PLPPR4: variants seen among roughly 807,000 people sequenced by gnomAD.
PLPPR4 encodes phospholipid phosphatase related 4.
In PLPPR4, 24 loss-of-function variants were observed where a neutral mutation model predicts 56.6. The ratio of observed to expected loss-of-function variants is 0.42; its 90% confidence interval spans 0.31 to 0.60. PLPPR4 has a LOEUF of 0.60. Among genes scored for constraint, PLPPR4 ranks in the 20% least tolerant of loss-of-function variants. The pLI is 0.13. For missense variants in PLPPR4, 654 were observed against 885.8 expected (o/e 0.74, Z 3.32); for synonymous variants, 326 against 328.1 (o/e 0.99, Z 0.07).
At chr1:99,265,156 C>A (rs1015454904) in intron 1 of PLPPR4, among the ~76,000 whole-genome samples, 16 of 107,518 alleles carry the variant, frequency 1.5e-4, no homozygotes, top group Non-Finnish European at 2.3e-4. Flanking sequence ...CCCCCCCCCC[C>A]AAATCCTTCT....
intron 1 of PLPPR4, among the ~76,000 whole-genome samples, chr1:99,286,896 G>A (rs1384413300): frequency 6.6e-6 from 1 of 152,148 alleles, no homozygotes; most frequent in Non-Finnish European, 1.5e-5. Context: ...GAAATACTTT[G>A]TTGTTGTTGT....
chr1:99,283,121 C>T (rs558390326), intron 1 of PLPPR4, among the ~76,000 whole-genome samples: 5 of 151,978 alleles, frequency 3.3e-5, no homozygotes, highest in African/African-American at 1.2e-4. Flanking sequence ...TTGGGACTAG[C>T]AGGCTATCAA....
intron 1 of PLPPR4, among the ~76,000 whole-genome samples, chr1:99,271,851 C>CA (rs1328283821): frequency 1.0e-4 from 15 of 149,662 alleles, no homozygotes; most frequent in Non-Finnish European, 1.9e-4. Context: ...GAGGTCAAGT[C>CA]AAGCAGGATT....
chr1:99,294,329 T>C (rs1238136152), intron 2 of PLPPR4, among the ~76,000 whole-genome samples: 2 of 152,220 alleles, frequency 1.3e-5, no homozygotes, highest in Non-Finnish European at 2.9e-5. Flanking sequence ...TCTATCCATA[T>C]TACATGGTCT....
chr1:99,275,180 CA>C (rs1464241362), intron 1 of PLPPR4, among the ~76,000 whole-genome samples: 1 of 152,046 alleles, frequency 6.6e-6, no homozygotes, highest in East Asian at 1.9e-4. Context: ...TTCTTCATGG[CA>C]AAACCTGATA....
intron 2 of PLPPR4, among the ~76,000 whole-genome samples, chr1:99,292,919 C>G (rs1659658116): frequency 6.6e-6 from 1 of 152,136 alleles, no homozygotes; most frequent in African/African-American, 2.4e-5. Flanking sequence ...ATGCTAACTC[C>G]TTTCCCTCTC....
At chr1:99,292,107 T>C (rs1350033427) in intron 2 of PLPPR4, among the ~76,000 whole-genome samples, 1 of 152,212 alleles carries the variant, frequency 6.6e-6, no homozygotes, top group Non-Finnish European at 1.5e-5. Flanking sequence ...GCCTCTGTTA[T>C]AAAAACTGTA....
intron 1 of PLPPR4, among the ~76,000 whole-genome samples, chr1:99,280,725 C>A (rs1451597145): frequency 6.6e-6 from 1 of 152,070 alleles, no homozygotes; most frequent in African/African-American, 2.4e-5. Flanking sequence ...AGAATAAGTA[C>A]AATTTTTATG....
At chr1:99,280,330 T>G (rs1007893976) in intron 1 of PLPPR4, among the ~76,000 whole-genome samples, 9 of 152,240 alleles carry the variant, frequency 5.9e-5, no homozygotes, top group Admixed American at 3.3e-4. Flanking sequence ...AGATACTTTA[T>G]ACAGTGTAGA....
In PLPPR4 at chr1:99,307,068, G is replaced by T; in HGVS notation, c.*58G>T. 1 of 1,525,442 alleles carries T rather than the reference G, an allele frequency of 6.6e-7. No individual in the cohort carries two copies. Among genetic ancestry groups the T allele is most frequent in the Non-Finnish European group, 8.8e-7 (1 of 1,142,694 alleles). The allele number at this position is 1,525,442 out of a possible 1,614,324, so 94.5% of individuals were successfully genotyped here. A position where few individuals can be genotyped will look rare whatever the true frequency, so the allele number is the denominator to read the frequency against. ...AAAAGACCATATGTTGATTCTACCT[G>T]TGTTCTGTTCCAGCGAATTGGGAAG... On this transcript the variant is annotated 3_prime_UTR_variant, in exon 7 of 7. Coordinates refer to ENST00000370185, the MANE Select transcript of PLPPR4 (RefSeq NM_014839.5).
At chr1:99,293,844 G>C (rs1026741202) in intron 2 of PLPPR4, among the ~76,000 whole-genome samples, 2 of 151,916 alleles carry the variant, frequency 1.3e-5, no homozygotes, top group African/African-American at 4.8e-5. Flanking sequence ...CCATGGCTAG[G>C]GTCCTTATAG....
At chr1:99,270,289 G>A (rs1437928386) in intron 1 of PLPPR4, among the ~76,000 whole-genome samples, 1 of 152,144 alleles carries the variant, frequency 6.6e-6, no homozygotes, top group Non-Finnish European at 1.5e-5. Flanking sequence ...GCCTCCCAAA[G>A]TGCTGGGATC....
At chr1:99,272,179 A>G (rs1659077869) in intron 1 of PLPPR4, among the ~76,000 whole-genome samples, 1 of 152,174 alleles carries the variant, frequency 6.6e-6, no homozygotes, top group Non-Finnish European at 1.5e-5. Flanking sequence ...CAGAGTTTAA[A>G]AGTCTTATTA....
chr1:99,287,132 T>C (rs1462069972), intron 1 of PLPPR4, among the ~76,000 whole-genome samples: 1 of 152,116 alleles, frequency 6.6e-6, no homozygotes, highest in Non-Finnish European at 1.5e-5. Flanking sequence ...AATGAGAATA[T>C]GTGTGTTTGG....
chr1:99,307,466 C>T lies in PLPPR4; in HGVS notation c.*456C>T, dbSNP rs1660059431. 6.0e-6 allele frequency: 1 copy of T among 167,174 alleles called. No homozygotes were observed. Among genetic ancestry groups the T allele is most frequent in the Admixed American group, 5.5e-5 (1 of 18,258 alleles). 10.4% of individuals were successfully genotyped at this position (167,174 alleles called of 1,614,324 possible). A position where few individuals can be genotyped will look rare whatever the true frequency, so the allele number is the denominator to read the frequency against. On this transcript the variant is annotated 3_prime_UTR_variant, in exon 7 of 7. Transcript: ENST00000370185. ...CACCTACAGCTCAATACGGGTGGTG[C>T]TGATTATTATAGTACATATACCATG...
At chr1:99,264,742 C>T in intron 1 of PLPPR4, 71 bp downstream of exon 1, 4 of 1,506,956 alleles carry the variant, frequency 2.7e-6, no homozygotes, top group Non-Finnish European at 3.6e-6. Flanking sequence ...AGGTCCTGGA[C>T]AGTGTTGGAG....
chr1:99,263,463 G>A (rs1399527873), upstream of PLPPR4, among the ~76,000 whole-genome samples: 1 of 152,122 alleles, frequency 6.6e-6, no homozygotes, highest in Non-Finnish European at 1.5e-5. Context: ...AAAGGGAAAT[G>A]GATAAATGAG....
At chr1:99,273,250 T>C (rs1659103079) in intron 1 of PLPPR4, among the ~76,000 whole-genome samples, 1 of 152,140 alleles carries the variant, frequency 6.6e-6, no homozygotes, top group African/African-American at 2.4e-5. Context: ...AATGGCTTTC[T>C]TATTTGCTGT....
chr1:99,266,651 A>G (rs1658907422), intron 1 of PLPPR4, among the ~76,000 whole-genome samples: 2 of 152,222 alleles, frequency 1.3e-5, no homozygotes, highest in Non-Finnish European at 2.9e-5. Flanking sequence ...TAGAACAATT[A>G]CTTGAACACA....
Sources: gnomAD v4.1 joint callset for allele counts (sites outside exome capture counted in the v4.1 genomes callset) on GRCh38, gnomAD v4.1.1 for gene constraint, MANE v1.5 for transcripts, NCBI Gene and HGNC (gene_info 2026-07-23, HGNC 2026-07-21) for gene names.